Variants in OR51B5 observed in about 807,000 individuals in gnomAD.
The protein encoded by OR51B5 is olfactory receptor 51B5.
For missense variants in OR51B5, 456 were observed against 374.6 expected (o/e 1.22, Z -1.79); for synonymous variants, 186 against 144.8 (o/e 1.28, Z -2.04).
At chr11:5,490,818 C>T (rs1251443968) in intron 1 of OR51B5, among the ~76,000 whole-genome samples, 2 of 152,148 alleles carry the variant, frequency 1.3e-5, no homozygotes. Flanking sequence ...ACTTTACTGC[C>T]CTCAGCATTA....
chr11:5,504,880 A>T (rs1274373877), intron 1 of OR51B5, among the ~76,000 whole-genome samples: 6 of 152,182 alleles, frequency 3.9e-5, no homozygotes, highest in Admixed American at 3.9e-4. Context: ...TTTACTCTTT[A>T]ATGAAGCTAG....
chr11:5,461,330 A>G (rs937812742), intron 1 of OR51B5, among the ~76,000 whole-genome samples: 2 of 152,122 alleles, frequency 1.3e-5, no homozygotes, highest in Non-Finnish European at 2.9e-5. Context: ...TATCTGCAAA[A>G]GTGTTCCGAG....
At chr11:5,450,801 T>C (rs1850834055) in intron 1 of OR51B5, among the ~76,000 whole-genome samples, 1 of 152,220 alleles carries the variant, frequency 6.6e-6, no homozygotes, top group Admixed American at 6.5e-5. Context: ...CTCCCGCTTA[T>C]GAGTGAGAGC....
upstream of OR51B5, among the ~76,000 whole-genome samples, chr11:5,344,356 T>G (rs1336868119): frequency 6.6e-6 from 1 of 152,234 alleles, no homozygotes; most frequent in African/African-American, 2.4e-5. Context: ...AAATTATTTT[T>G]CTATAGGCCT....
At chr11:5,378,661 A>G (rs1357612697) in intron 1 of OR51B5, among the ~76,000 whole-genome samples, 1 of 152,256 alleles carries the variant, frequency 6.6e-6, no homozygotes, top group Non-Finnish European at 1.5e-5. Flanking sequence ...GGATATGAAC[A>G]GACACTTCTC....
chr11:5,502,056 A>G (rs1158491126), intron 1 of OR51B5, among the ~76,000 whole-genome samples: 1 of 152,134 alleles, frequency 6.6e-6, no homozygotes, highest in Non-Finnish European at 1.5e-5. Flanking sequence ...AAAGCTTTGT[A>G]AATTCTATCT....
chr11:5,381,612 G>T (rs1455912186), intron 1 of OR51B5, among the ~76,000 whole-genome samples: 1 of 152,184 alleles, frequency 6.6e-6, no homozygotes, highest in African/African-American at 2.4e-5. Context: ...CTATCTTCAA[G>T]TTCTTGATCA....
intron 1 of OR51B5, among the ~76,000 whole-genome samples, chr11:5,425,589 GATTTC>G (rs1191535032): frequency 1.3e-5 from 2 of 152,232 alleles, no homozygotes; most frequent in African/African-American, 4.8e-5. Flanking sequence ...TTTTGAAATA[GATTTC>G]ATTTTTGTAA....
At chr11:5,365,416 G>A (rs192780575) in intron 1 of OR51B5, among the ~76,000 whole-genome samples, 1 of 152,316 alleles carries the variant, frequency 6.6e-6, no homozygotes, top group East Asian at 1.9e-4. Context: ...ACAAGATCAA[G>A]CATACTGTAG....
intron 1 of OR51B5, among the ~76,000 whole-genome samples, chr11:5,495,923 C>A (rs445316): frequency 1.3e-5 from 2 of 152,160 alleles, no homozygotes; most frequent in Admixed American, 6.5e-5. Flanking sequence ...CAAAATACAG[C>A]GTAGCAGGGT....
At chr11:5,451,804 TG>T (rs1292688231) in intron 1 of OR51B5, among the ~76,000 whole-genome samples, 1 of 152,198 alleles carries the variant, frequency 6.6e-6, no homozygotes, top group Non-Finnish European at 1.5e-5. Context: ...TATGTAATTC[TG>T]GGGTCCTTCT....
chr11:5,411,170 C>T (rs1024670434), intron 1 of OR51B5, among the ~76,000 whole-genome samples: 11 of 152,226 alleles, frequency 7.2e-5, no homozygotes, highest in African/African-American at 2.4e-4. Flanking sequence ...GTCCTGCAAA[C>T]TCTATTCATG....
intron 1 of OR51B5, among the ~76,000 whole-genome samples, chr11:5,460,702 G>A (rs1365966933): frequency 6.6e-6 from 1 of 152,130 alleles, no homozygotes; most frequent in East Asian, 1.9e-4. Flanking sequence ...TCTCTGCGTT[G>A]GCTGATGTTC....
intron 1 of OR51B5, among the ~76,000 whole-genome samples, chr11:5,484,590 A>T (rs778434040): frequency 5.9e-5 from 9 of 152,166 alleles, no homozygotes; most frequent in Non-Finnish European, 1.0e-4. Context: ...ATGCATTATG[A>T]TAATATCTAA....
intron 1 of OR51B5, chr11:5,431,183 G>T (rs1053695483): frequency 5.4e-6 from 2 of 367,972 alleles, no homozygotes; most frequent in African/African-American, 2.1e-5. Flanking sequence ...ATAATACGGG[G>T]CAGGGTCAGG....
At chr11:5,480,835 A>G (rs1294164713) in intron 1 of OR51B5, among the ~76,000 whole-genome samples, 1 of 120,406 alleles carries the variant, frequency 8.3e-6, no homozygotes, top group East Asian at 2.4e-4. Context: ...GAATAGACCA[A>G]TAACAGGAGC....
At chr11:5,390,079 A>T (rs761975347) in intron 1 of OR51B5, 1 of 1,613,732 alleles carries the variant, frequency 6.2e-7, no homozygotes, top group East Asian at 2.2e-5. Flanking sequence ...TGCTCATCGC[A>T]CTGTCCTATG....
intron 1 of OR51B5, among the ~76,000 whole-genome samples, chr11:5,499,126 A>G (rs925310843): frequency 2.3e-4 from 35 of 152,214 alleles, no homozygotes; most frequent in African/African-American, 8.0e-4. Flanking sequence ...GACAGGGCAC[A>G]AAGTTCAACT....
intron 1 of OR51B5, among the ~76,000 whole-genome samples, chr11:5,442,470 T>G (rs1246813109): frequency 6.6e-6 from 1 of 152,148 alleles, no homozygotes; most frequent in Non-Finnish European, 1.5e-5. Flanking sequence ...TGGATATTCA[T>G]TCTCTCCCTT....
Sources: gnomAD v4.1 joint callset for allele counts (sites outside exome capture counted in the v4.1 genomes callset) on GRCh38, gnomAD v4.1.1 for gene constraint, MANE v1.5 for transcripts, NCBI Gene and HGNC (gene_info 2026-07-23, HGNC 2026-07-21) for gene names.